Variants in TMEM114 observed in about 807,000 individuals in gnomAD.
TMEM114 encodes the protein claudin-26.
A neutral mutation model predicts 6.2 loss-of-function variants in TMEM114; 6 were observed. That is an observed-to-expected ratio of 0.97 (90% CI 0.53 to 1.91). The LOEUF is 1.91. Ranked by LOEUF, TMEM114 falls within the 40% of genes most tolerant of loss-of-function variation. TMEM114 has a pLI of 0.01. For missense variants in TMEM114, 218 were observed against 158.3 expected (o/e 1.38, Z -2.02); for synonymous variants, 104 against 73.0 (o/e 1.42, Z -2.16).
At chr16:8,547,725 A>C (rs1900716020) in intron 2 of TMEM114, among the ~76,000 whole-genome samples, 1 of 152,106 alleles carries the variant, frequency 6.6e-6, no homozygotes, top group African/African-American at 2.4e-5. Flanking sequence ...AAGGTTGGCA[A>C]GGTTGTCTTC....
At chr16:8,544,374 C>G (rs150383441) in intron 2 of TMEM114, among the ~76,000 whole-genome samples, 1 of 152,196 alleles carries the variant, frequency 6.6e-6, no homozygotes, top group Non-Finnish European at 1.5e-5. Context: ...GAAGAAAACA[C>G]ATGGTCTCCT....
chr16:8,568,465 G>T (rs1408405727), downstream of TMEM114, among the ~76,000 whole-genome samples: 1 of 151,714 alleles, frequency 6.6e-6, no homozygotes, highest in Non-Finnish European at 1.5e-5. Flanking sequence ...ATGATGTCAT[G>T]ATGTTTGTTG....
exon 3 of TMEM114, chr16:8,537,674 A>T (rs1040820327): frequency 6.6e-6 from 1 of 152,208 alleles, no homozygotes; most frequent in Non-Finnish European, 1.5e-5. Context: ...ATATGATATC[A>T]TATGGTGTGA....
At chr16:8,547,649 C>T (rs1468310867) in intron 2 of TMEM114, among the ~76,000 whole-genome samples, 1 of 152,140 alleles carries the variant, frequency 6.6e-6, no homozygotes, top group African/African-American at 2.4e-5. Flanking sequence ...CCTCGGCCTC[C>T]CAAAGTGCTG....
the TMEM114 span, among the ~76,000 whole-genome samples, chr16:8,531,096 C>G: frequency 1.2e-4 from 18 of 152,080 alleles, no homozygotes; most frequent in African/African-American, 4.3e-4. Flanking sequence ...CCATTGCAGC[C>G]TTTTGAAAAC....
chr16:8,544,403 T>C (rs1900599523), intron 2 of TMEM114, among the ~76,000 whole-genome samples: 1 of 152,176 alleles, frequency 6.6e-6, no homozygotes, highest in Non-Finnish European at 1.5e-5. Flanking sequence ...GAATGCCTTG[T>C]TTACTGGGAA....
chr16:8,561,216 G>C (rs950791398), intron 2 of TMEM114, among the ~76,000 whole-genome samples: 3 of 152,234 alleles, frequency 2.0e-5, no homozygotes, highest in African/African-American at 7.2e-5. Flanking sequence ...GCCCTAGGGA[G>C]ATTCCCCTTC....
At chr16:8,567,830 G>T (rs1280696437), downstream of TMEM114, among the ~76,000 whole-genome samples, 1 of 152,174 alleles carries the variant, frequency 6.6e-6, no homozygotes, top group East Asian at 1.9e-4. Flanking sequence ...TGGAAGCAGA[G>T]ACCGCCCTTT....
intron 2 of TMEM114, among the ~76,000 whole-genome samples, chr16:8,543,572 C>G (rs1347802613): frequency 6.6e-6 from 1 of 152,140 alleles, no homozygotes; most frequent in Non-Finnish European, 1.5e-5. Context: ...ATCTGGCCAA[C>G]CCAACTCATT....
At chr16:8,562,249 T>G (rs1178811621) in intron 2 of TMEM114, among the ~76,000 whole-genome samples, 1 of 150,004 alleles carries the variant, frequency 6.7e-6, no homozygotes, top group Non-Finnish European at 1.5e-5. Context: ...AATGAGTGAC[T>G]GAGTAAATGA....
intron 2 of TMEM114, among the ~76,000 whole-genome samples, chr16:8,564,266 GAAA>G (rs1901432032): frequency 9.5e-5 from 1 of 10,542 alleles, no homozygotes; most frequent in Admixed American, 9.9e-4. Flanking sequence ...AATGAGTGAT[GAAA>G]TAAGTGAATG....
intron 2 of TMEM114, among the ~76,000 whole-genome samples, chr16:8,574,247 G>A (rs1163840901): frequency 1.3e-5 from 2 of 152,084 alleles, no homozygotes; most frequent in Non-Finnish European, 1.5e-5. Context: ...AAAAGTATAC[G>A]GCTCACAGAA....
intron 2 of TMEM114, among the ~76,000 whole-genome samples, chr16:8,562,351 AGTG>A: frequency 6.6e-5 from 10 of 151,436 alleles, no homozygotes; most frequent in African/African-American, 2.4e-4. Flanking sequence ...TGAGTGAGTG[AGTG>A]AATTAGTGAG....
Position 8,564,343 on chromosome 16 carries a change from G to T in TMEM114, n.212+24870C>A, listed in dbSNP as rs962805041. On this transcript the variant is annotated intron_variant and non_coding_transcript_variant, in intron 2 of 2. Transcript: ENST00000623677. ...TGAGTGAGTTAGAGAATGAGTCAGTGAGAGAATGAGTCAGTGAGTGAATGA... is the reference window on the plus strand; with the variant it reads ...TGAGTGAGTTAGAGAATGAGTCAGTTAGAGAATGAGTCAGTGAGTGAATGA... 3.6e-5 allele frequency among the ~76,000 whole-genome samples: 5 copies of T among 139,778 alleles called. 1 individual carries two copies. Among genetic ancestry groups the T allele is most frequent in the African/African-American group, 1.1e-4 (4 of 37,966 alleles). The allele number at this position is 139,778 out of a possible 152,430, so 91.7% of individuals were successfully genotyped here.
At position 8,584,879 on chromosome 16, in the gene TMEM114, G is replaced by A. The variant is rs1284485420; in HGVS notation, c.301+4334C>T. Among the ~76,000 whole-genome samples the A allele has an allele frequency of 2.9e-5, 4 of 139,570 alleles. No individual in the cohort carries two copies. In the East Asian group the frequency reaches 6.3e-4, roughly 22 times the overall value. The allele number at this position is 139,570 out of a possible 152,430, so 91.6% of individuals were successfully genotyped here. A position where few individuals can be genotyped will look rare whatever the true frequency, so the allele number is the denominator to read the frequency against. Reference sequence around the variant, plus strand: ...GGAGGTTGCAGTGAGCCGAGATCGCGCCATTGCACTCCAGCCTGGGCTACA... The same window carrying A: ...GGAGGTTGCAGTGAGCCGAGATCGCACCATTGCACTCCAGCCTGGGCTACA... On this transcript the variant is annotated intron_variant, in intron 2 of 3. Coordinates refer to ENST00000620492, the MANE Select transcript of TMEM114 (RefSeq NM_001146336.2).
chr16:8,539,563 G>A (rs974014445), intron 2 of TMEM114, among the ~76,000 whole-genome samples: 6 of 152,042 alleles, frequency 3.9e-5, no homozygotes, highest in African/African-American at 1.4e-4. Flanking sequence ...CTTATCCAAG[G>A]AAAATGACCC....
chr16:8,545,339 G>A (rs1168321351), intron 2 of TMEM114, among the ~76,000 whole-genome samples: 1 of 152,186 alleles, frequency 6.6e-6, no homozygotes, highest in South Asian at 2.1e-4. Flanking sequence ...AGGAGGCTGA[G>A]GCAGGAGGAT....
In TMEM114 at chr16:8,560,326, C is replaced by T. The variant is rs78658716; in HGVS notation, n.213-22500G>A. Among the ~76,000 whole-genome samples, 628 of 152,048 alleles carry T rather than the reference C, an allele frequency of 4.1e-3. 3 individuals are homozygous for T. Among genetic ancestry groups the T allele is most frequent in the African/African-American group, 0.015 (605 of 41,450 alleles). ...CCAGTGATCTTGGATGCATCCTTGA[C>T]CTCCCTGAGTTTCTGTTGGCTTGTC... On this transcript the variant is annotated intron_variant and non_coding_transcript_variant, in intron 2 of 2. Coordinates refer to the TMEM114 transcript ENST00000623677.
chr16:8,558,789 G>A (rs975988498), intron 2 of TMEM114, among the ~76,000 whole-genome samples: 1 of 151,736 alleles, frequency 6.6e-6, no homozygotes, highest in African/African-American at 2.4e-5. Flanking sequence ...CACCCAGGCT[G>A]GAGTGCAATG....
Sources: allele counts gnomAD v4.1 joint callset (sites outside exome capture counted in the v4.1 genomes callset), GRCh38; gene constraint gnomAD v4.1.1; transcripts MANE v1.5; gene names NCBI Gene and HGNC (gene_info 2026-07-23, HGNC 2026-07-21).